KCND2: variants seen among roughly 807,000 people sequenced by gnomAD.
The protein encoded by KCND2 is potassium voltage-gated channel subfamily D member 2.
KCND2 carries 16 observed loss-of-function variants against 54.4 expected under a neutral mutation model. That is an observed-to-expected ratio of 0.29 (90% CI 0.20 to 0.45). The LOEUF (loss-of-function observed/expected upper bound fraction) is 0.45. Ranked by LOEUF, KCND2 falls within the 20% of genes least tolerant of loss-of-function variation. KCND2 has a pLI of 1.00. For missense variants in KCND2, 486 were observed against 824.2 expected, an observed-to-expected ratio of 0.59 and a Z score of 5.02; for synonymous variants, 317 against 310.7, an observed-to-expected ratio of 1.02 and a Z score of -0.21.
At chr7:120,698,207 G>T (rs984924179) in intron 1 of KCND2, among the ~76,000 whole-genome samples, 2 of 151,796 alleles carry the variant, frequency 1.3e-5, no homozygotes, top group African/African-American at 4.8e-5. Flanking sequence ...TATAAATGGG[G>T]TTTTGCCATG....
chr7:120,441,729 T>G (rs6466746), intron 1 of KCND2, among the ~76,000 whole-genome samples: 1 of 151,850 alleles, frequency 6.6e-6, no homozygotes, highest in African/African-American at 2.4e-5. Flanking sequence ...TGGACAGATA[T>G]GGAATTAACA....
intron 1 of KCND2, among the ~76,000 whole-genome samples, chr7:120,457,734 C>T (rs1213177757): frequency 6.6e-6 from 1 of 152,100 alleles, no homozygotes; most frequent in African/African-American, 2.4e-5. Flanking sequence ...TTTTCTGAGC[C>T]CTCCAGACTG....
intron 1 of KCND2, among the ~76,000 whole-genome samples, chr7:120,385,087 A>T (rs112850599): frequency 0.011 from 1,581 of 141,088 alleles, 35 homozygotes; most frequent in African/African-American, 0.039. Context: ...GTTCACTACA[A>T]CCTCTGCCTC....
intron 1 of KCND2, among the ~76,000 whole-genome samples, chr7:120,343,671 T>C (rs982046854): frequency 1.3e-5 from 2 of 152,204 alleles, no homozygotes; most frequent in South Asian, 2.1e-4. Flanking sequence ...TTTTCAGTTA[T>C]GTTATTTTAA....
intron 1 of KCND2, among the ~76,000 whole-genome samples, chr7:120,596,546 A>G (rs892671677): frequency 1.3e-5 from 2 of 152,232 alleles, no homozygotes; most frequent in African/African-American, 4.8e-5. Flanking sequence ...AAGTTGTACC[A>G]ATTGTATATG....
intron 1 of KCND2, among the ~76,000 whole-genome samples, chr7:120,410,181 GAAAATCAACTGA>G (rs1476045213): frequency 6.6e-6 from 1 of 151,810 alleles, no homozygotes; most frequent in African/African-American, 2.4e-5. Context: ...GCCATTTGTT[GAAAATCAACTGA>G]CCAAATGTAT....
chr7:120,735,643 T>C (rs570742451), intron 2 of KCND2, among the ~76,000 whole-genome samples: 2 of 152,162 alleles, frequency 1.3e-5, no homozygotes, highest in South Asian at 2.1e-4. Flanking sequence ...CAAAAGTAAA[T>C]AATGTGACAT....
At chr7:120,628,370 C>T (rs1433131111) in intron 1 of KCND2, among the ~76,000 whole-genome samples, 2 of 152,144 alleles carry the variant, frequency 1.3e-5, no homozygotes, top group Non-Finnish European at 2.9e-5. Flanking sequence ...GTTACTGTAA[C>T]AAAAACACAA....
At chr7:120,426,270 C>A (rs192056201) in intron 1 of KCND2, among the ~76,000 whole-genome samples, 20 of 152,120 alleles carry the variant, frequency 1.3e-4, no homozygotes, top group African/African-American at 4.6e-4. Flanking sequence ...AAAAATCTAT[C>A]CAAACTTCAT....
At chr7:120,277,831 A>G (rs1799200968) in intron 1 of KCND2, among the ~76,000 whole-genome samples, 1 of 152,020 alleles carries the variant, frequency 6.6e-6, no homozygotes, top group Non-Finnish European at 1.5e-5. Flanking sequence ...AAAATATTTA[A>G]GAAATTGAAT....
chr7:120,379,337 T>A (rs187652365), intron 1 of KCND2, among the ~76,000 whole-genome samples: 35 of 152,210 alleles, frequency 2.3e-4, no homozygotes, highest in Admixed American at 5.9e-4. Flanking sequence ...CAGTATTTGG[T>A]TGAGGGAATC....
intron 1 of KCND2, among the ~76,000 whole-genome samples, chr7:120,517,193 A>G (rs945987493): frequency 6.6e-6 from 1 of 152,102 alleles, no homozygotes; most frequent in Non-Finnish European, 1.5e-5. Context: ...ACACAATTTT[A>G]TAGTTAGTGA....
intron 1 of KCND2, among the ~76,000 whole-genome samples, chr7:120,657,509 G>A (rs559721866): frequency 2.8e-4 from 43 of 152,112 alleles, no homozygotes; most frequent in African/African-American, 8.9e-4. Flanking sequence ...AACTATTTGC[G>A]TACATGCTAG....
chr7:120,724,346 T>C (rs1449436774), intron 1 of KCND2, among the ~76,000 whole-genome samples: 1 of 152,140 alleles, frequency 6.6e-6, no homozygotes, highest in Admixed American at 6.5e-5. Context: ...GTCAGGAAGT[T>C]TTTAAATAAG....
rs901996290 is a variant in KCND2 at position 120,542,484 on chromosome 7, T to C, written c.1116-190419T>C. ...CATAATTGCATGTAAAATAATAAAA[T>C]TACCCTTATAAGTCTCCCAACTTCT... On this transcript the variant is annotated intron_variant, in intron 1 of 5. Coordinates refer to ENST00000331113, the MANE Select transcript of KCND2 (RefSeq NM_012281.3). 4.6e-5 allele frequency among the ~76,000 whole-genome samples: 7 copies of C among 152,068 alleles called. 1 individual carries two copies. The South Asian group carries it at 1.4e-3, about 31-fold the overall frequency.
At position 120,741,575 on chromosome 7, in the gene KCND2, C is replaced by T. The variant is rs200177734; in HGVS notation, c.1320C>T (p.Ser440=). ...LARIRAAKSG[S]ANAYMQSKRN... Reference sequence around the variant, plus strand: ...GGATCCGGGCAGCCAAAAGCGGAAGCGCAAATGCTTACATGCAGAGCAAAC... The same window carrying T: ...GGATCCGGGCAGCCAAAAGCGGAAGTGCAAATGCTTACATGCAGAGCAAAC... Residue 440 remains serine (S), a synonymous_variant, in exon 3 of 6, where the codon AGC becomes AGT. Coordinates refer to ENST00000331113, the MANE Select transcript of KCND2 (RefSeq NM_012281.3). The T allele has an allele frequency of 6.2e-6, 10 of 1,613,260 alleles. No homozygotes were observed. The Admixed American group carries it at 6.7e-5, about 11-fold the overall frequency.
intron 1 of KCND2, among the ~76,000 whole-genome samples, chr7:120,431,942 C>T (rs1801794360): frequency 6.6e-6 from 1 of 152,100 alleles, no homozygotes. Flanking sequence ...AGGATTATCG[C>T]TTCATGCAAC....
At chr7:120,489,498 T>C (rs1802745134) in intron 1 of KCND2, among the ~76,000 whole-genome samples, 1 of 152,200 alleles carries the variant, frequency 6.6e-6, no homozygotes, top group African/African-American at 2.4e-5. Flanking sequence ...TCTAAATGAA[T>C]AACTTTCACA....
chr7:120,741,227 C>G (rs1347602240), intron 2 of KCND2, among the ~76,000 whole-genome samples: 1 of 151,906 alleles, frequency 6.6e-6, no homozygotes, highest in African/African-American at 2.4e-5. Context: ...TAAAGTAATA[C>G]TGCTATTTTT....
Sources: gnomAD v4.1 joint callset for allele counts (sites outside exome capture counted in the v4.1 genomes callset) on GRCh38, gnomAD v4.1.1 for gene constraint, MANE v1.5 for transcripts, NCBI Gene and HGNC (gene_info 2026-07-23, HGNC 2026-07-21) for gene names.